Variants in RAET1G observed in about 807,000 individuals in gnomAD.
RAET1G encodes UL-16 binding protein 5.
In RAET1G, 25 loss-of-function variants were observed where a neutral mutation model predicts 29.5. That is an observed-to-expected ratio of 0.85 (90% CI 0.62 to 1.18). The LOEUF (loss-of-function observed/expected upper bound fraction) is 1.18. RAET1G is among the 50% of genes most tolerant of loss of function. RAET1G has a pLI of 0.00. For missense variants in RAET1G, 434 were observed against 423.6 expected (o/e 1.02, Z -0.22); for synonymous variants, 167 against 159.5 (o/e 1.05, Z -0.36).
chr6:149,917,338 G>A (rs1336201967), intron 4 of RAET1G, among the ~76,000 whole-genome samples: 1 of 152,120 alleles, frequency 6.6e-6, no homozygotes, highest in South Asian at 2.1e-4. Flanking sequence ...TAACTCCCCC[G>A]GGGAAAGGGA....
intron 3 of RAET1G, 130 bp from the exon 4 acceptor site, chr6:149,918,514 C>T (rs1370910101): frequency 1.8e-6 from 2 of 1,082,536 alleles, no homozygotes; most frequent in African/African-American, 1.6e-5. Flanking sequence ...GGGGCAGCCC[C>T]TGGGAGAGTT....
Position 149,918,345 on chromosome 6 carries a change from G to A in RAET1G, c.671C>T (p.Ala224Val), listed in dbSNP as rs781261845. 2.5e-6 allele frequency: 4 copies of A among 1,614,108 alleles called. No individual in the cohort carries two copies. In the East Asian group the frequency reaches 6.7e-5, roughly 27 times the overall value. The part of the protein sequence containing the change: ...TMSSGTAQPR[A>V]TATTLILCCL... ...GCAAAGGATGAGGGTGGTGGCCGTG[G>A]CCCTGGGTTGGGCTGTGCCTGAGGA... The change falls in exon 4 of 5, where the codon GCC becomes GTC. Residue 224 changes from alanine (A) to valine (V), a missense_variant. Coordinates refer to ENST00000367360, the MANE Select transcript of RAET1G (RefSeq NM_001001788.4).
intron 1 of RAET1G, among the ~76,000 whole-genome samples, chr6:149,921,669 G>A (rs1178627164): frequency 6.6e-5 from 10 of 152,028 alleles, no homozygotes; most frequent in Non-Finnish European, 1.3e-4. Flanking sequence ...TGGCCCCCGT[G>A]GACCATAGAT....
At chr6:149,922,279 C>T (rs529836194) in intron 1 of RAET1G, among the ~76,000 whole-genome samples, 33 of 152,146 alleles carry the variant, frequency 2.2e-4, no homozygotes, top group South Asian at 1.0e-3. Flanking sequence ...TAAGAGGTCG[C>T]GAGGGCCCCT....
intron 1 of RAET1G, among the ~76,000 whole-genome samples, chr6:149,920,080 A>G (rs576852597): frequency 5.7e-4 from 87 of 152,246 alleles, no homozygotes; most frequent in African/African-American, 2.1e-3. Flanking sequence ...ATCGGTCAAC[A>G]CAGGACCTTG....
intron 2 of RAET1G, 24 bp from the exon 3 acceptor site, chr6:149,919,348 G>A (rs1391132339): frequency 1.9e-6 from 3 of 1,606,998 alleles, no homozygotes; most frequent in African/African-American, 2.7e-5. Flanking sequence ...AGAGAGATCA[G>A]CTCTGGCCTT....
Position 149,918,689 on chromosome 6 carries a change from T to C in RAET1G, c.632-305A>G, listed in dbSNP as rs931086827. The C allele has an allele frequency of 2.7e-5, 16 of 592,916 alleles. No individual in the cohort carries two copies. The African/African-American group carries it at 2.8e-4, about 10-fold the overall frequency. 36.7% of individuals were successfully genotyped at this position (592,916 alleles called of 1,614,324 possible). A position where few individuals can be genotyped will look rare whatever the true frequency, so the allele number is the denominator to read the frequency against. On this transcript the variant is annotated intron_variant, in intron 3 of 4. Coordinates refer to ENST00000367360, the MANE Select transcript of RAET1G (RefSeq NM_001001788.4). Reference sequence around the variant, plus strand: ...GTCACGAGGCTGGCCTTGGAGGAGGTTTTGATGGATTTCCAGAAACAGACC... The same window carrying C: ...GTCACGAGGCTGGCCTTGGAGGAGGCTTTGATGGATTTCCAGAAACAGACC...
At chr6:149,921,199 A>AATG (rs1778592502) in intron 1 of RAET1G, among the ~76,000 whole-genome samples, 1 of 151,932 alleles carries the variant, frequency 6.6e-6, no homozygotes, top group Non-Finnish European at 1.5e-5. Flanking sequence ...GCAATCCATG[A>AATG]ATGAGCGAGG....
Position 149,919,191 on chromosome 6 carries a change from A to T in RAET1G, c.483T>A (p.Val161=), listed in dbSNP as rs1229432416. The T allele has an allele frequency of 1.2e-6, 2 of 1,614,078 alleles. No individual in the cohort carries two copies. Among genetic ancestry groups the T allele is most frequent in the African/African-American group, 2.7e-5 (2 of 74,934 alleles). The change falls in exon 3 of 5, where the codon GTT becomes GTA. Residue 161 remains valine, a synonymous_variant. Coordinates refer to ENST00000367360, the MANE Select transcript of RAET1G (RefSeq NM_001001788.4). ...FDSENRMWTT[V]HPGARKMKEK... is the part of the protein sequence containing the mutation. ...CTTTCATCTTTCTGGCTCCAGGATG[A>T]ACCGTTGTCCACATTCTGTTTTCTG...
At chr6:149,922,183 TC>T (rs962921140) in intron 1 of RAET1G, among the ~76,000 whole-genome samples, 1 of 152,030 alleles carries the variant, frequency 6.6e-6, no homozygotes, top group Non-Finnish European at 1.5e-5. Context: ...GTGCTTCCCA[TC>T]CCCCCTGCAC....
rs1251122753 is a variant in RAET1G, at chr6:149,919,811, G to A, written c.91C>T (p.His31Tyr). The change falls in exon 2 of 5, where the codon CAC becomes TAC. Residue 31 changes from histidine to tyrosine, a missense_variant. Physicochemically the swap from His to Tyr is moderately conservative, Grantham distance 83. Coordinates refer to ENST00000367360, the MANE Select transcript of RAET1G (RefSeq NM_001001788.4). ...SWCRTGLADP[H>Y]SLCYDITVIP... is the part of the protein sequence containing the mutation. ...ACGGTGATGTCATAGCAAAGAGAGTGAGGGTCTGTGGAGAAAGGCAGGTGA... is the reference window on the plus strand; with the variant it reads ...ACGGTGATGTCATAGCAAAGAGAGTAAGGGTCTGTGGAGAAAGGCAGGTGA... 1.9e-6 allele frequency: 3 copies of A among 1,612,086 alleles called. No homozygotes were observed. The highest frequency in any genetic ancestry group is 2.5e-6 in the Non-Finnish European group (3 of 1,179,854).
rs71656790 is a variant in RAET1G at position 149,923,080 on chromosome 6, TGTCTGAATGCAGCCC to T, written c.-85_-71del. 140,334 of 1,065,346 alleles carry T rather than the reference TGTCTGAATGCAGCCC, an allele frequency of 0.13. 16,393 individuals carry two copies. Among genetic ancestry groups the T allele is most frequent in the East Asian group, 0.52 (19,115 of 36,700 alleles). 66.0% of individuals were successfully genotyped at this position (1,065,346 alleles called of 1,614,324 possible). A position where few individuals can be genotyped will look rare whatever the true frequency, so the allele number is the denominator to read the frequency against. On this transcript the variant is annotated 5_prime_UTR_variant, in exon 1 of 5. Transcript: ENST00000367360. Reference sequence around the variant, plus strand: ...GTGGATCACCTGGCGGCTCGCAGGCTGTCTGAATGCAGCCCGTCTGAATGCAGCCCTAAACTCCAG... The same window carrying T: ...GTGGATCACCTGGCGGCTCGCAGGCTGTCTGAATGCAGCCCTAAACTCCAG...
chr6:149,918,469 A>T, intron 3 of RAET1G, 85 bp from the exon 4 acceptor site: 1 of 1,450,626 alleles, frequency 6.9e-7, no homozygotes, highest in Non-Finnish European at 9.6e-7. Context: ...GACCCAGGTC[A>T]TCCTGGAAGG....
chr6:149,917,108 T>C, intron 4 of RAET1G, 34 bp from the exon 5 acceptor site: 1 of 1,513,292 alleles, frequency 6.6e-7, no homozygotes, highest in Middle Eastern at 1.9e-4. Flanking sequence ...GCTTACGTCA[T>C]TGTTTCTTCT....
In RAET1G at chr6:149,919,250, T is replaced by A. The variant is rs1181091556; in HGVS notation, c.424A>T (p.Ser142Cys). Residue 142 changes from serine to cysteine, a missense_variant, in exon 3 of 5, where the codon AGT becomes TGT. Ser to Cys is a moderately radical substitution (Grantham distance 112). Transcript: ENST00000367360. ...EGHGSGSWQLSFDGQIFLLFD... is the reference protein window; with the variant it reads ...EGHGSGSWQLCFDGQIFLLFD... ...AGGAGGAAGATCTGTCCATCGAAACTGAGCTGCCAAGATCCACTGCCGTGT... is the reference window on the plus strand; with the variant it reads ...AGGAGGAAGATCTGTCCATCGAAACAGAGCTGCCAAGATCCACTGCCGTGT... 6.2e-7 allele frequency: 1 copy of A among 1,614,252 alleles called. No homozygotes were observed. Among genetic ancestry groups the A allele is most frequent in the South Asian group, 1.1e-5 (1 of 91,088 alleles).
intron 4 of RAET1G, among the ~76,000 whole-genome samples, chr6:149,917,970 G>A (rs1268577998): frequency 6.6e-6 from 1 of 152,148 alleles, no homozygotes; most frequent in Non-Finnish European, 1.5e-5. Flanking sequence ...CTTTCCCTCT[G>A]GCCTTTGATG....
chr6:149,919,777 T>G lies in RAET1G; in HGVS notation c.125A>C (p.Lys42Thr), dbSNP rs199744758. ...SLCYDITVIP[K>T]FRPGPRWCAV... ...ACACCACCGTGGTCCAGGTCTGAAC[T>G]TAGGGATGACGGTGATGTCATAGCA... Residue 42 changes from lysine to threonine, a missense_variant, in exon 2 of 5, where the codon AAG becomes ACG. Coordinates refer to ENST00000367360, the MANE Select transcript of RAET1G (RefSeq NM_001001788.4). The G allele has an allele frequency of 6.2e-7, 1 of 1,612,296 alleles. No individual in the cohort carries two copies. The highest frequency in any genetic ancestry group is 2.2e-5 in the East Asian group (1 of 44,880).
rs1319530639 is a variant in RAET1G, at chr6:149,923,071, C to G, written c.-61G>C. ...GCCCAGCCCGTGGATCACCTGGCGG[C>G]TCGCAGGCTGTCTGAATGCAGCCCG... On this transcript the variant is annotated 5_prime_UTR_variant, in exon 1 of 5. Transcript: ENST00000367360. 1 of 1,272,754 alleles carries G rather than the reference C, an allele frequency of 7.9e-7. No homozygotes were observed. The highest frequency in any genetic ancestry group is 1.1e-6 in the Non-Finnish European group (1 of 906,588). 78.8% of individuals were successfully genotyped at this position (1,272,754 alleles called of 1,614,324 possible).
At chr6:149,920,209 T>C (rs1443378492) in intron 1 of RAET1G, among the ~76,000 whole-genome samples, 1 of 152,128 alleles carries the variant, frequency 6.6e-6, no homozygotes, top group Non-Finnish European at 1.5e-5. Context: ...CTGAGGATAC[T>C]GGTGCATGGT....
Sources: allele counts gnomAD v4.1 joint callset (sites outside exome capture counted in the v4.1 genomes callset), GRCh38; gene constraint gnomAD v4.1.1; transcripts MANE v1.5; gene names NCBI Gene and HGNC (gene_info 2026-07-23, HGNC 2026-07-21).